The following TRAK1 variants were observed in gnomAD, a reference collection of about 807,000 sequenced individuals.
TRAK1 encodes trafficking kinesin protein 1, also known as trafficking kinesin-binding protein 1.
In TRAK1, 33 loss-of-function variants were observed where a neutral mutation model predicts 92.1. That is an observed-to-expected ratio of 0.36 (90% confidence interval 0.27 to 0.48). The LOEUF (loss-of-function observed/expected upper bound fraction) is 0.48. Ranked by LOEUF, TRAK1 falls within the 20% of genes least tolerant of loss-of-function variation. The pLI, the probability that TRAK1 is intolerant of heterozygous loss-of-function variation, is 0.99. For missense variants in TRAK1, 1,123 were observed against 1,257.9 expected (o/e 0.89, Z 1.62); for synonymous variants, 521 against 517.3 (o/e 1.01, Z -0.10).
chr3:42,203,494 CTT>C (rs34602604), intron 13 of TRAK1: 108,879 of 922,542 alleles, frequency 0.12, 858 homozygotes, highest in South Asian at 0.13. Context: ...CCTCCTGCCT[CTT>C]TTTTTTTTTT....
chr3:42,046,759 A>C (rs1702766995), intron 1 of TRAK1, among the ~76,000 whole-genome samples: 1 of 152,190 alleles, frequency 6.6e-6, no homozygotes, highest in Non-Finnish European at 1.5e-5. Flanking sequence ...GGTGGAAGAA[A>C]TGTAAATTTT....
In TRAK1 at chr3:42,112,835, G is replaced by C. The variant is rs535593141; in HGVS notation, c.92-12585G>C. Among the ~76,000 whole-genome samples, 7 of 152,064 alleles carry C rather than the reference G, an allele frequency of 4.6e-5. No individual in the cohort carries two copies. In the East Asian group the frequency reaches 1.4e-3, roughly 29 times the overall value. On this transcript the variant is annotated intron_variant, in intron 1 of 15. Transcript: ENST00000327628. The stretch of plus-strand genomic sequence containing the variant: ...TCCTAGGCTGGAGTGTAGTGGCATG[G>C]TCACAGCTCACTGCATCCTCTAACT...
intron 1 of TRAK1, among the ~76,000 whole-genome samples, chr3:42,118,372 G>A (rs1461360634): frequency 2.0e-5 from 3 of 152,146 alleles, no homozygotes; most frequent in African/African-American, 7.2e-5. Flanking sequence ...GATTATAGGT[G>A]TGAGCCACTG....
intron 1 of TRAK1, 73 bp from the exon 2 acceptor site, chr3:42,125,347 T>C: frequency 2.1e-6 from 3 of 1,436,308 alleles, no homozygotes; most frequent in Non-Finnish European, 2.9e-6. Context: ...TGCCGCAGGC[T>C]ACAAGTTTAG....
At chr3:42,027,924 A>G (rs1576117727) in intron 1 of TRAK1, among the ~76,000 whole-genome samples, 1 of 152,142 alleles carries the variant, frequency 6.6e-6, no homozygotes, top group African/African-American at 2.4e-5. Flanking sequence ...ATCTTGGCTC[A>G]CTGCAACCTC....
chr3:42,152,833 A>G (rs1324966877), intron 2 of TRAK1, among the ~76,000 whole-genome samples: 1 of 152,208 alleles, frequency 6.6e-6, no homozygotes, highest in Admixed American at 6.5e-5. Context: ...AGAAATAGGT[A>G]GAATGGCAGA....
At chr3:42,098,331 G>A (rs1041249818) in intron 1 of TRAK1, among the ~76,000 whole-genome samples, 9 of 152,116 alleles carry the variant, frequency 5.9e-5, no homozygotes, top group African/African-American at 2.2e-4. Flanking sequence ...GGCACTTCAC[G>A]GGTCGTACTG....
At chr3:42,077,903 GC>G (rs1704230765) in intron 1 of TRAK1, among the ~76,000 whole-genome samples, 1 of 152,202 alleles carries the variant, frequency 6.6e-6, no homozygotes, top group Non-Finnish European at 1.5e-5. Context: ...AAGAGAGAGA[GC>G]GTCTCAGACT....
At chr3:42,215,351 A>G (rs761623557) in intron 14 of TRAK1, among the ~76,000 whole-genome samples, 6 of 152,256 alleles carry the variant, frequency 3.9e-5, no homozygotes, top group Non-Finnish European at 8.8e-5. Context: ...CAAAGTCATT[A>G]GAAGCTGGGC....
intron 3 of TRAK1, among the ~76,000 whole-genome samples, chr3:42,177,538 C>T (rs998573151): frequency 4.6e-5 from 7 of 152,178 alleles, no homozygotes; most frequent in South Asian, 2.1e-4. Flanking sequence ...TAATGCACTG[C>T]CCCCTTCACT....
chr3:42,101,826 C>A (rs1197030568), intron 1 of TRAK1, among the ~76,000 whole-genome samples: 5 of 152,184 alleles, frequency 3.3e-5, no homozygotes, highest in Non-Finnish European at 7.3e-5. Flanking sequence ...AGAACCACCT[C>A]TTTTTAGTTG....
intron 1 of TRAK1, among the ~76,000 whole-genome samples, chr3:42,108,640 G>A (rs1467691628): frequency 6.6e-6 from 1 of 151,816 alleles, no homozygotes; most frequent in East Asian, 1.9e-4. Flanking sequence ...TGGTCACCCC[G>A]GACACTACCT....
rs749169240 is a variant in TRAK1 at position 42,223,019 on chromosome 3, C to T, written c.2144C>T (p.Pro715Leu). Residue 715 changes from proline (P) to leucine (L), a missense_variant, in exon 16 of 16, where the codon CCA (proline) becomes CTA (leucine). Pro to Leu is a moderately conservative substitution (Grantham distance 98, BLOSUM62 -3). Around this residue, in one of 3 missense-constraint regions of TRAK1, gnomAD observed 401 missense variants for 438.9 expected, o/e 0.91. Transcript: ENST00000327628. The surrounding 1 kb of genome is among the most constrained non-coding windows in gnomAD (Gnocchi z 6.1). ...KSTPVATPCT[P>L]RRLSLAESFT... ...ACGCCGGTGGCCACACCATGCACTC[C>T]ACGGAGACTGAGCCTGGCTGAGTCC... is the stretch of plus-strand genomic sequence containing the variant. The T allele has an allele frequency of 3.7e-6, 6 of 1,614,048 alleles. No homozygotes were observed. The African/African-American group carries it at 8.0e-5, about 22-fold the overall frequency.
intron 2 of TRAK1, among the ~76,000 whole-genome samples, chr3:42,143,798 T>C (rs548103657): frequency 1.3e-5 from 2 of 152,242 alleles, no homozygotes; most frequent in African/African-American, 4.8e-5. Flanking sequence ...ACTCTTGGTG[T>C]GAAGGAAAGT....
intron 15 of TRAK1, among the ~76,000 whole-genome samples, chr3:42,221,071 C>CCT (rs1710298320): frequency 3.5e-5 from 3 of 85,396 alleles, no homozygotes; most frequent in African/African-American, 1.5e-4. Context: ...AGAGAAGGCT[C>CCT]TTTTTTTTTT....
At chr3:42,042,194 T>G (rs1702570833) in intron 1 of TRAK1, among the ~76,000 whole-genome samples, 1 of 152,178 alleles carries the variant, frequency 6.6e-6, no homozygotes, top group Non-Finnish European at 1.5e-5. Flanking sequence ...CCCAAAGTGC[T>G]GGGATTACAG....
At chr3:42,084,751 T>C (rs989391261), upstream of TRAK1, among the ~76,000 whole-genome samples, 4 of 152,122 alleles carry the variant, frequency 2.6e-5, no homozygotes, top group African/African-American at 9.7e-5. Context: ...AGGCAGCTTA[T>C]CCATTCATCT....
chr3:42,217,595 C>T, intron 14 of TRAK1: 5 of 985,342 alleles, frequency 5.1e-6, no homozygotes, highest in Non-Finnish European at 6.0e-6. Context: ...ATTTGATATT[C>T]TGGCCATATG....
chr3:42,046,434 G>A (rs997759206), intron 1 of TRAK1, among the ~76,000 whole-genome samples: 3 of 152,202 alleles, frequency 2.0e-5, no homozygotes, highest in East Asian at 1.9e-4. Flanking sequence ...GGGAATAGGG[G>A]CCACGTCTCT....
Sources: gnomAD v4.1 joint callset for allele counts (sites outside exome capture counted in the v4.1 genomes callset) on GRCh38, gnomAD v4.1.1 for gene constraint, gnomAD v4.1.1 regional missense constraint, Gnocchi (gnomAD v3.1) non-coding constraint, MANE v1.5 for transcripts, NCBI Gene and HGNC (gene_info 2026-07-23, HGNC 2026-07-21) for gene names.